Variants in HHAT observed in about 807,000 individuals in gnomAD.
The protein encoded by HHAT is protein-cysteine N-palmitoyltransferase HHAT.
Under a neutral mutation model 70.8 loss-of-function variants are expected in HHAT, and 47 were observed. The ratio of observed to expected loss-of-function variants is 0.66; its 90% CI spans 0.53 to 0.85. The LOEUF (loss-of-function observed/expected upper bound fraction) is 0.85, where lower values mean the gene tolerates loss of function less well. Among genes scored for constraint, HHAT ranks in the 40% least tolerant of loss-of-function variants. HHAT has a pLI of 0.00. For synonymous variants in HHAT, 228 were observed against 247.6 expected (o/e 0.92, Z 0.74); for missense variants, 609 against 604.8 (o/e 1.01, Z -0.07).
In HHAT at chr1:210,603,215, A is replaced by C. The variant is rs557226236; in HGVS notation, c.1245+15116A>C. On this transcript the variant is annotated intron_variant, in intron 10 of 11. Transcript: ENST00000261458. ...TATACCTTCTCCCTGCTTAATGCAA[A>C]CTCTCACCTGAGAAACCATAATCTC... 2.9e-4 allele frequency among the ~76,000 whole-genome samples: 44 copies of C among 151,618 alleles called. 1 individual carries two copies. In the South Asian group the frequency reaches 7.3e-3, roughly 25 times the overall value.
chr1:210,639,804 C>G (rs568883392), intron 11 of HHAT, among the ~76,000 whole-genome samples: 1 of 152,280 alleles, frequency 6.6e-6, no homozygotes, highest in African/African-American at 2.4e-5. Flanking sequence ...TCTTCCCTTG[C>G]CCAACCTCCA....
At chr1:210,640,459 G>T (rs1466168281) in intron 11 of HHAT, among the ~76,000 whole-genome samples, 1 of 152,066 alleles carries the variant, frequency 6.6e-6, no homozygotes, top group Non-Finnish European at 1.5e-5. Context: ...AGAATACTGA[G>T]TTCTGACTCC....
intron 7 of HHAT, among the ~76,000 whole-genome samples, chr1:210,421,403 A>G (rs2092900130): frequency 1.3e-5 from 2 of 152,176 alleles, no homozygotes; most frequent in African/African-American, 4.8e-5. Context: ...TTGGCTACTA[A>G]TAAGTTTGAG....
intron 8 of HHAT, among the ~76,000 whole-genome samples, chr1:210,497,821 A>G (rs1035007851): frequency 2.7e-5 from 4 of 148,998 alleles, no homozygotes; most frequent in Non-Finnish European, 5.9e-5. Context: ...GCTGGAGTGC[A>G]GTGGCGCAAT....
chr1:210,431,640 A>G (rs763893097), intron 7 of HHAT, among the ~76,000 whole-genome samples: 16 of 151,764 alleles, frequency 1.1e-4, no homozygotes, highest in Non-Finnish European at 2.1e-4. Flanking sequence ...CCCTTTATGT[A>G]CCTTGTGGCC....
chr1:210,525,958 G>C (rs578162043), intron 9 of HHAT, among the ~76,000 whole-genome samples: 2 of 152,132 alleles, frequency 1.3e-5, no homozygotes, highest in African/African-American at 4.8e-5. Context: ...TTCCTAATGC[G>C]TGCGCGATCT....
chr1:210,475,865 T>TA (rs57833835), intron 8 of HHAT, among the ~76,000 whole-genome samples: 623 of 151,612 alleles, frequency 4.1e-3, no homozygotes, highest in Non-Finnish European at 5.4e-3. Flanking sequence ...TTGTTTTAGT[T>TA]AAAAAAAAAT....
At chr1:210,603,752 A>G (rs748355013) in intron 10 of HHAT, among the ~76,000 whole-genome samples, 4 of 152,352 alleles carry the variant, frequency 2.6e-5, no homozygotes, top group Middle Eastern at 3.4e-3. Flanking sequence ...GACTTCCAAA[A>G]TAAAATTCTT....
intron 9 of HHAT, among the ~76,000 whole-genome samples, chr1:210,583,483 T>C (rs1659713284): frequency 6.6e-6 from 1 of 152,200 alleles, no homozygotes; most frequent in Non-Finnish European, 1.5e-5. Context: ...TACTATTGCT[T>C]TTCTAAAAAA....
chr1:210,365,817 C>T (rs879493233), intron 3 of HHAT, among the ~76,000 whole-genome samples: 2 of 151,262 alleles, frequency 1.3e-5, no homozygotes, highest in African/African-American at 2.4e-5. Flanking sequence ...GGTTTCACCA[C>T]GTTGGCTAGG....
intron 10 of HHAT, among the ~76,000 whole-genome samples, chr1:210,620,106 A>C (rs944155026): frequency 6.6e-6 from 1 of 152,236 alleles, no homozygotes; most frequent in South Asian, 2.1e-4. Context: ...CCACAGGGGT[A>C]ATCGCTGTAG....
intron 6 of HHAT, among the ~76,000 whole-genome samples, chr1:210,406,997 G>T (rs1260257236): frequency 6.6e-6 from 1 of 152,114 alleles, no homozygotes; most frequent in Non-Finnish European, 1.5e-5. Flanking sequence ...TCTATGTTTG[G>T]GGGAGTATTC....
At chr1:210,569,266 C>T (rs369357486) in intron 9 of HHAT, among the ~76,000 whole-genome samples, 51 of 148,976 alleles carry the variant, frequency 3.4e-4, no homozygotes, top group African/African-American at 1.1e-3. Context: ...CCCAGCGACT[C>T]GGGAGGCTGA....
intron 11 of HHAT, among the ~76,000 whole-genome samples, chr1:210,673,770 T>TTTA (rs1680606472): frequency 1.0e-4 from 2 of 19,656 alleles, no homozygotes; most frequent in African/African-American, 1.5e-3. Flanking sequence ...TTATTATTTA[T>TTTA]TTATTTATTT....
intron 3 of HHAT, among the ~76,000 whole-genome samples, chr1:210,386,577 AT>A (rs1207736352): frequency 1.3e-5 from 2 of 152,088 alleles, no homozygotes; most frequent in African/African-American, 2.4e-5. Flanking sequence ...TGCTTAGAAA[AT>A]TCTGAGACCT....
At position 210,346,472 on chromosome 1, in the gene HHAT, A is replaced by G. The variant is rs1227481446; in HGVS notation, c.-43-2461A>G. Among the ~76,000 whole-genome samples, 15 of 152,380 alleles carry G rather than the reference A, an allele frequency of 9.8e-5. No homozygotes were observed. The East Asian group carries it at 2.9e-3, about 29-fold the overall frequency. ...GAAAGTATTTAAAAATAAATTGTGA[A>G]TAGAAATGGATAAAGCTAGAAGCAG... On this transcript the variant is annotated intron_variant, in intron 1 of 11. Coordinates refer to ENST00000261458, the MANE Select transcript of HHAT (RefSeq NM_018194.6).
intron 3 of HHAT, among the ~76,000 whole-genome samples, chr1:210,383,204 G>GT (rs1262331344): frequency 6.6e-6 from 1 of 152,108 alleles, no homozygotes; most frequent in Non-Finnish European, 1.5e-5. Context: ...GCCAGGTGTG[G>GT]TGGTATGCAC....
chr1:210,358,572 C>T (rs2148008577), intron 2 of HHAT, among the ~76,000 whole-genome samples: 1 of 152,320 alleles, frequency 6.6e-6, no homozygotes, highest in Non-Finnish European at 1.5e-5. Context: ...GCTAAATTCT[C>T]CTATCATTAG....
chr1:210,529,539 C>T (rs1036189056), intron 9 of HHAT, among the ~76,000 whole-genome samples: 1 of 152,120 alleles, frequency 6.6e-6, no homozygotes, highest in Non-Finnish European at 1.5e-5. Flanking sequence ...CGTACTCTGC[C>T]TCCTCAAAGT....
Sources: allele counts gnomAD v4.1 joint callset (sites outside exome capture counted in the v4.1 genomes callset), GRCh38; gene constraint gnomAD v4.1.1; transcripts MANE v1.5; gene names NCBI Gene and HGNC (gene_info 2026-07-23, HGNC 2026-07-21).